RNF121: variants seen among roughly 807,000 people sequenced by gnomAD.
The protein encoded by RNF121 is E3 ubiquitin ligase RNF121.
A neutral mutation model predicts 46.5 loss-of-function variants in RNF121; 21 were observed. The ratio of observed to expected loss-of-function variants is 0.45; its 90% CI spans 0.32 to 0.65. The LOEUF (loss-of-function observed/expected upper bound fraction) is 0.65, where lower values mean the gene tolerates loss of function less well. RNF121 is among the 30% of genes least tolerant of loss of function. The pLI, the probability that RNF121 is intolerant of heterozygous loss-of-function variation, is 0.04. For synonymous variants in RNF121, 139 were observed against 144.7 expected, an observed-to-expected ratio of 0.96 and a Z score of 0.28; for missense variants, 346 against 416.0, an observed-to-expected ratio of 0.83 and a Z score of 1.46.
chr11:71,980,373 C>CT (rs1954625637), intron 3 of RNF121, among the ~76,000 whole-genome samples: 2 of 149,920 alleles, frequency 1.3e-5, no homozygotes, highest in Non-Finnish European at 3.0e-5. Context: ...AAGATGGAGT[C>CT]TAACACTCTG....
intron 3 of RNF121, among the ~76,000 whole-genome samples, chr11:71,980,424 G>A (rs759338244): frequency 3.3e-5 from 5 of 151,804 alleles, no homozygotes; most frequent in African/African-American, 7.3e-5. Context: ...TCAGCTTGCC[G>A]CAACCTCCAC....
intron 1 of RNF121, among the ~76,000 whole-genome samples, chr11:71,934,958 T>G (rs1451735658): frequency 4.0e-5 from 6 of 151,158 alleles, no homozygotes; most frequent in Admixed American, 4.0e-4. Flanking sequence ...TTTTTTTTTT[T>G]TTTTAGACAG....
intron 5 of RNF121, among the ~76,000 whole-genome samples, chr11:71,989,070 T>TTTTTTTTG (rs1554991981): frequency 6.7e-6 from 1 of 150,166 alleles, no homozygotes; most frequent in Admixed American, 6.7e-5. Flanking sequence ...CATTATGGTT[T>TTTTTTTTG]TTTGTTTGTT....
At chr11:71,931,427 A>G (rs1399737522) in intron 1 of RNF121, among the ~76,000 whole-genome samples, 1 of 152,180 alleles carries the variant, frequency 6.6e-6, no homozygotes, top group Non-Finnish European at 1.5e-5. Flanking sequence ...TCATCCCTTC[A>G]AGCTCCAAAA....
chr11:71,993,771 T>C (rs1201494638), intron 6 of RNF121, among the ~76,000 whole-genome samples: 1 of 152,170 alleles, frequency 6.6e-6, no homozygotes, highest in Non-Finnish European at 1.5e-5. Context: ...CATGCCAAAC[T>C]CTTTGCTTTC....
chr11:71,974,593 A>G (rs975104448), intron 3 of RNF121, among the ~76,000 whole-genome samples: 5 of 152,200 alleles, frequency 3.3e-5, no homozygotes, highest in African/African-American at 1.2e-4. Flanking sequence ...CCTAAAATGA[A>G]AATCTGATTC....
intron 1 of RNF121, among the ~76,000 whole-genome samples, chr11:71,940,162 A>C (rs1015965180): frequency 2.0e-5 from 3 of 152,226 alleles, no homozygotes; most frequent in African/African-American, 7.2e-5. Context: ...CTAATGATAT[A>C]TTTACTGATA....
rs1189643903 is a variant in RNF121 at position 71,931,758 on chromosome 11, C to T, written c.63+2634C>T. ...GTCAGCTAGGGGGAGTCAGTAAAGT[C>T]TTTATGATAGAGATGGGTTTGAGCT... On this transcript the variant is annotated intron_variant, in intron 1 of 8. Coordinates refer to ENST00000361756, the MANE Select transcript of RNF121 (RefSeq NM_018320.5). 2.0e-5 allele frequency among the ~76,000 whole-genome samples: 3 copies of T among 151,902 alleles called. No individual in the cohort carries two copies. In the East Asian group the frequency reaches 5.8e-4, roughly 29 times the overall value.
chr11:71,960,704 A>G, intron 2 of RNF121, 46 bp from the exon 3 acceptor site: 2 of 1,588,172 alleles, frequency 1.3e-6, no homozygotes, highest in Non-Finnish European at 1.7e-6. Flanking sequence ...TCCCTTTATC[A>G]CTACAGCATC....
chr11:71,948,788 G>A (rs1590778836), intron 1 of RNF121, among the ~76,000 whole-genome samples: 1 of 152,198 alleles, frequency 6.6e-6, no homozygotes, highest in Admixed American at 6.5e-5. Flanking sequence ...AAGCTGAGGA[G>A]TTGGGGAAGA....
intron 6 of RNF121, among the ~76,000 whole-genome samples, chr11:71,991,948 A>C (rs1218822434): frequency 6.6e-6 from 1 of 151,304 alleles, no homozygotes; most frequent in African/African-American, 2.4e-5. Flanking sequence ...CTACAAAAAA[A>C]TGAGACAAAA....
At chr11:71,939,814 A>G (rs1953522081) in intron 1 of RNF121, among the ~76,000 whole-genome samples, 1 of 152,124 alleles carries the variant, frequency 6.6e-6, no homozygotes, top group Non-Finnish European at 1.5e-5. Flanking sequence ...TATGCCAGGT[A>G]CTCTTTTTAG....
intron 3 of RNF121, among the ~76,000 whole-genome samples, chr11:71,976,424 C>A (rs1267659752): frequency 7.3e-6 from 1 of 136,294 alleles, no homozygotes; most frequent in Admixed American, 8.2e-5. Flanking sequence ...GGCACAATCT[C>A]GGCTCACGGC....
Position 71,996,380 on chromosome 11 carries a change from G to T in RNF121, c.*65G>T. ...TGGACCTCAGGGCACTCTCCTCCCTGCCCACAAAGACCTCCTGGGTGGGAA... is the reference window on the plus strand; with the variant it reads ...TGGACCTCAGGGCACTCTCCTCCCTTCCCACAAAGACCTCCTGGGTGGGAA... On this transcript the variant is annotated 3_prime_UTR_variant, in exon 9 of 9. Transcript: ENST00000361756. 2 of 1,582,348 alleles carry T rather than the reference G, an allele frequency of 1.3e-6. No individual in the cohort carries two copies. The highest frequency in any genetic ancestry group is 1.7e-6 in the Non-Finnish European group (2 of 1,161,502).
At chr11:71,942,750 C>CAA (rs1292029752) in intron 1 of RNF121, among the ~76,000 whole-genome samples, 1 of 128,742 alleles carries the variant, frequency 7.8e-6, no homozygotes, top group African/African-American at 2.9e-5. Context: ...ACTCTGTCTC[C>CAA]AAAAAAAAAA....
At chr11:71,995,196 T>C (rs1954950535) in intron 7 of RNF121, 1 of 576,352 alleles carries the variant, frequency 1.7e-6, no homozygotes, top group Non-Finnish European at 3.1e-6. Context: ...ATATTTATCA[T>C]GTATTTACCC....
At chr11:71,956,356 G>C (rs1474173050) in intron 1 of RNF121, among the ~76,000 whole-genome samples, 2 of 152,160 alleles carry the variant, frequency 1.3e-5, no homozygotes, top group Non-Finnish European at 2.9e-5. Flanking sequence ...TAGAAGACTT[G>C]AGCCCTAAAC....
At chr11:71,942,080 C>T (rs1201655943) in intron 1 of RNF121, among the ~76,000 whole-genome samples, 1 of 151,838 alleles carries the variant, frequency 6.6e-6, no homozygotes, top group Non-Finnish European at 1.5e-5. Context: ...CTACAGGTGC[C>T]TGCCACCACG....
chr11:71,945,371 T>G (rs537298812), intron 1 of RNF121, among the ~76,000 whole-genome samples: 2 of 152,346 alleles, frequency 1.3e-5, no homozygotes, highest in African/African-American at 4.8e-5. Flanking sequence ...ACTTTTAAAC[T>G]TAGTAGCCGT....
Sources: allele counts gnomAD v4.1 joint callset (sites outside exome capture counted in the v4.1 genomes callset), GRCh38; gene constraint gnomAD v4.1.1; transcripts MANE v1.5; gene names NCBI Gene and HGNC (gene_info 2026-07-23, HGNC 2026-07-21).